Variants in OSBPL10 observed in about 807,000 individuals in gnomAD.
OSBPL10 encodes the protein oxysterol-binding protein-related protein 10.
A neutral mutation model predicts 81.7 loss-of-function variants in OSBPL10; 49 were observed. That is an observed-to-expected ratio of 0.60 (90% CI 0.48 to 0.76). The LOEUF (loss-of-function observed/expected upper bound fraction) is 0.76. OSBPL10 is among the 30% of genes least tolerant of loss of function. OSBPL10 has a pLI of 0.00. For missense variants in OSBPL10, 923 were observed against 987.8 expected (o/e 0.93, Z 0.88); for synonymous variants, 419 against 383.6 (o/e 1.09, Z -1.08).
chr3:31,822,982 A>T lies in OSBPL10; in HGVS notation c.729+7058T>A, dbSNP rs1365035541. 2.0e-5 allele frequency among the ~76,000 whole-genome samples: 3 copies of T among 152,000 alleles called. No homozygotes were observed. The East Asian group carries it at 5.8e-4, about 29-fold the overall frequency. ...ATAAATACCATACATTTCAATCATC[A>T]TATGCTTAAATAACTGAGAGGATCA... On this transcript the variant is annotated intron_variant, in intron 4 of 11. Transcript: ENST00000396556.
intron 1 of OSBPL10, among the ~76,000 whole-genome samples, chr3:32,051,543 C>T (rs1699670352): frequency 2.0e-5 from 3 of 152,172 alleles, no homozygotes. Context: ...AGATAAGACT[C>T]CTATGGGAAA....
chr3:31,677,886 CCTGG>C (rs1700521803), intron 8 of OSBPL10, among the ~76,000 whole-genome samples: 1 of 149,146 alleles, frequency 6.7e-6, no homozygotes, highest in Non-Finnish European at 1.5e-5. Context: ...TCGAGACCAT[CCTGG>C]CTAACAAGGT....
chr3:31,907,367 G>A (rs111921980), intron 1 of OSBPL10, among the ~76,000 whole-genome samples: 2,400 of 152,058 alleles, frequency 0.016, 64 homozygotes, highest in African/African-American at 0.051. Flanking sequence ...GGTGACTCAC[G>A]CCTGTAATCC....
intron 7 of OSBPL10, among the ~76,000 whole-genome samples, chr3:31,697,244 A>G (rs2125581400): frequency 6.6e-6 from 1 of 152,318 alleles, no homozygotes; most frequent in South Asian, 2.1e-4. Context: ...GAACACACGG[A>G]GAGGGAAAGG....
intron 4 of OSBPL10, among the ~76,000 whole-genome samples, chr3:31,813,335 C>G (rs1224491068): frequency 6.6e-6 from 1 of 152,212 alleles, no homozygotes. Flanking sequence ...CCACAGGGAA[C>G]AGCTCATGGC....
At chr3:31,907,638 A>C (rs1217084138) in intron 1 of OSBPL10, among the ~76,000 whole-genome samples, 1 of 149,428 alleles carries the variant, frequency 6.7e-6, no homozygotes, top group Non-Finnish European at 1.5e-5. Context: ...AAAAAAAAAA[A>C]AAAAAAAAAA....
rs141403877 is a variant in OSBPL10 at position 31,825,478 on chromosome 3, C to G, written c.729+4562G>C. 1.1e-3 allele frequency among the ~76,000 whole-genome samples: 161 copies of G among 152,176 alleles called. 1 individual carries two copies. In the East Asian group the frequency reaches 0.021, roughly 20 times the overall value. On this transcript the variant is annotated intron_variant, in intron 4 of 11. Coordinates refer to ENST00000396556, the MANE Select transcript of OSBPL10 (RefSeq NM_017784.5). ...TTGGGACTACAGGCATGAGCCACCA[C>G]ACTTAGCAAATCTGTAAATTTTTTG...
chr3:31,726,394 G>A (rs1477395000), intron 6 of OSBPL10, among the ~76,000 whole-genome samples: 1 of 151,914 alleles, frequency 6.6e-6, no homozygotes, highest in Non-Finnish European at 1.5e-5. Flanking sequence ...TCTGCTCACT[G>A]CAACCTCCGC....
chr3:32,002,872 A>T (rs1699165501), intron 2 of OSBPL10, among the ~76,000 whole-genome samples: 1 of 143,676 alleles, frequency 7.0e-6, no homozygotes, highest in South Asian at 2.2e-4. Flanking sequence ...AGATTTTAAC[A>T]GTCCAAGCTA....
In OSBPL10 at chr3:31,871,302, C is replaced by T. The variant is rs141700980; in HGVS notation, c.537+5131G>A. ...CGGGAGGAAGGAACAACTCCAGATG[C>T]GCCGCCTTAAGAGCTGTAACACTCA... On this transcript the variant is annotated intron_variant, in intron 3 of 11. Coordinates refer to ENST00000396556, the MANE Select transcript of OSBPL10 (RefSeq NM_017784.5). Among the ~76,000 whole-genome samples, 744 of 152,114 alleles carry T rather than the reference C, an allele frequency of 4.9e-3. 30 individuals are homozygous for T. In the East Asian group the frequency reaches 0.1, roughly 21 times the overall value.
Position 31,783,111 on chromosome 3 carries a change from TTATATA to T in OSBPL10, c.730-34997_730-34992del, listed in dbSNP as rs56846176. On this transcript the variant is annotated intron_variant, in intron 4 of 11. Coordinates refer to ENST00000396556, the MANE Select transcript of OSBPL10 (RefSeq NM_017784.5). Reference sequence around the variant, plus strand: ...GGATATATCTATATCAATATATCTATTATATATATATATATATATATATATATATAT... The same window carrying T: ...GGATATATCTATATCAATATATCTATTATATATATATATATATATATATAT... Among the ~76,000 whole-genome samples, 298 of 121,654 alleles carry T rather than the reference TTATATA, an allele frequency of 2.4e-3. 7 individuals are homozygous for T. The highest frequency in any genetic ancestry group is 9.6e-3 in the African/African-American group (263 of 27,292). The allele number at this position is 121,654 out of a possible 152,430, so 79.8% of individuals were successfully genotyped here.
At chr3:31,762,205 C>A (rs1698066179) in intron 4 of OSBPL10, among the ~76,000 whole-genome samples, 1 of 152,174 alleles carries the variant, frequency 6.6e-6, no homozygotes, top group Admixed American at 6.5e-5. Context: ...CTGGTTTTAA[C>A]CCAGCATTTA....
intron 2 of OSBPL10, among the ~76,000 whole-genome samples, chr3:32,028,201 G>T (rs538642686): frequency 6.6e-6 from 1 of 152,320 alleles, no homozygotes; most frequent in Admixed American, 6.5e-5. Flanking sequence ...ATGTGTTACA[G>T]ACATAAATGT....
chr3:32,031,085 A>G (rs991032645), intron 2 of OSBPL10, among the ~76,000 whole-genome samples: 3 of 152,128 alleles, frequency 2.0e-5, no homozygotes, highest in Non-Finnish European at 4.4e-5. Flanking sequence ...GAATTGCTTG[A>G]ACCTGGGAGG....
chr3:31,731,771 G>A (rs956670181), intron 6 of OSBPL10, among the ~76,000 whole-genome samples: 3 of 152,226 alleles, frequency 2.0e-5, no homozygotes, highest in African/African-American at 7.2e-5. Context: ...ACAGGCGTGA[G>A]CCACTGCGCC....
intron 2 of OSBPL10, among the ~76,000 whole-genome samples, chr3:32,031,428 C>T (rs1433487314): frequency 6.6e-6 from 1 of 151,630 alleles, no homozygotes; most frequent in Non-Finnish European, 1.5e-5. Context: ...TTTAGATTCT[C>T]TTCAGTTATT....
At chr3:31,795,895 G>A (rs540743225) in intron 4 of OSBPL10, 1 of 240,148 alleles carries the variant, frequency 4.2e-6, no homozygotes, top group Admixed American at 4.1e-5. Context: ...GAAGGAGCAT[G>A]TTACTGTGCA....
At chr3:31,874,207 C>T (rs1160285298) in intron 3 of OSBPL10, among the ~76,000 whole-genome samples, 1 of 151,834 alleles carries the variant, frequency 6.6e-6, no homozygotes, top group African/African-American at 2.4e-5. Context: ...GGTTCCCCTA[C>T]CTCAATTCCC....
intron 9 of OSBPL10, among the ~76,000 whole-genome samples, chr3:31,669,086 A>G (rs1400532681): frequency 1.3e-5 from 2 of 152,180 alleles, no homozygotes; most frequent in South Asian, 2.1e-4. Context: ...TAATTTCTCA[A>G]TTGTGATAAA....
Sources: allele counts gnomAD v4.1 joint callset (sites outside exome capture counted in the v4.1 genomes callset), GRCh38; gene constraint gnomAD v4.1.1; transcripts MANE v1.5; gene names NCBI Gene and HGNC (gene_info 2026-07-23, HGNC 2026-07-21).